Variants in KAZN observed in about 807,000 individuals in gnomAD.
The protein encoded by KAZN is kazrin, periplakin interacting protein.
KAZN carries 40 observed loss-of-function variants against 87.4 expected under a neutral mutation model. The observed-to-expected ratio is 0.46, with a 90% CI of 0.36 to 0.60. The LOEUF (loss-of-function observed/expected upper bound fraction) is 0.60. KAZN is among the 20% of genes least tolerant of loss of function. KAZN has a pLI of 0.00. For missense variants in KAZN, 898 were observed against 1,073.9 expected (o/e 0.84, Z 2.29); for synonymous variants, 466 against 458.3 (o/e 1.02, Z -0.22).
At chr1:14,163,943 A>G (rs1430075152) in intron 1 of KAZN, among the ~76,000 whole-genome samples, 1 of 152,200 alleles carries the variant, frequency 6.6e-6, no homozygotes, top group East Asian at 1.9e-4. Context: ...TGTGAGGACC[A>G]ACAGGATTCT....
At chr1:14,001,711 C>T (rs147268283) in intron 1 of KAZN, among the ~76,000 whole-genome samples, 17,398 of 152,180 alleles carry the variant, frequency 0.11, 1,169 homozygotes, top group South Asian at 0.24. Context: ...ACATCTACAA[C>T]CATCTGATCT....
intron 1 of KAZN, among the ~76,000 whole-genome samples, chr1:13,931,629 A>G (rs1640516759): frequency 6.6e-6 from 1 of 152,088 alleles, no homozygotes; most frequent in Admixed American, 6.6e-5. Context: ...GACTAATAAG[A>G]GAAGATAAAA....
chr1:14,323,072 C>T (rs5012557), intron 2 of KAZN, among the ~76,000 whole-genome samples: 37,022 of 152,040 alleles, frequency 0.24, 5,666 homozygotes, highest in African/African-American at 0.44. Flanking sequence ...GAACTTACTA[C>T]TACAAGAACA....
chr1:14,514,492 TA>T (rs1671159113), intron 2 of KAZN, among the ~76,000 whole-genome samples: 1 of 70,646 alleles, frequency 1.4e-5, no homozygotes, highest in East Asian at 5.3e-4. Flanking sequence ...TAAATATTTA[TA>T]TATGTAAAAT....
intron 1 of KAZN, among the ~76,000 whole-genome samples, chr1:14,007,784 C>T (rs1445952974): frequency 6.6e-6 from 1 of 152,150 alleles, no homozygotes; most frequent in East Asian, 1.9e-4. Context: ...GTTCTACTTG[C>T]TGTTACAAAT....
At chr1:14,259,262 T>G (rs1468232969) in intron 2 of KAZN, among the ~76,000 whole-genome samples, 1 of 152,216 alleles carries the variant, frequency 6.6e-6, no homozygotes, top group Non-Finnish European at 1.5e-5. Context: ...TTGTTCCAGA[T>G]GTGCACAGCT....
At position 14,205,995 on chromosome 1, in the gene KAZN, C is replaced by T. The variant is rs182440523; in HGVS notation, c.249+25403C>T. Among the ~76,000 whole-genome samples the T allele has an allele frequency of 1.5e-3, 218 of 149,142 alleles. 3 individuals are homozygous for T. Among genetic ancestry groups the T allele is most frequent in the Non-Finnish European group, 1.2e-3 (79 of 67,686 alleles). Reference sequence around the variant, plus strand: ...ATGTAAGAAGCCTGCATGTTGTGCACATGTACCCTAAAACTTAAAGTATAA... The same window carrying T: ...ATGTAAGAAGCCTGCATGTTGTGCATATGTACCCTAAAACTTAAAGTATAA... On this transcript the variant is annotated intron_variant, in intron 2 of 16. Coordinates refer to the KAZN transcript ENST00000636203.
chr1:14,596,393 C>T (rs565601316), upstream of KAZN, among the ~76,000 whole-genome samples: 8 of 152,316 alleles, frequency 5.3e-5, 2 homozygotes, highest in Admixed American at 1.3e-4. Flanking sequence ...AGTTCCAAAA[C>T]ATTCCCATCC....
intron 1 of KAZN, among the ~76,000 whole-genome samples, chr1:14,008,292 C>T (rs1193044754): frequency 2.0e-5 from 3 of 152,184 alleles, no homozygotes; most frequent in African/African-American, 2.4e-5. Flanking sequence ...CATGACTTCT[C>T]GCCACCGTCC....
chr1:15,098,879 A>G (rs1449930797), intron 10 of KAZN, among the ~76,000 whole-genome samples: 1 of 152,234 alleles, frequency 6.6e-6, no homozygotes, highest in African/African-American at 2.4e-5. Flanking sequence ...CAGAGCCTGA[A>G]GGGGCCCTGG....
chr1:14,557,575 A>T (rs1038465672), intron 2 of KAZN, among the ~76,000 whole-genome samples: 3 of 151,176 alleles, frequency 2.0e-5, no homozygotes, highest in African/African-American at 7.3e-5. Flanking sequence ...TTCCTGAAGA[A>T]ATTTGGCCTG....
chr1:14,797,524 G>C (rs1287473944), intron 1 of KAZN, among the ~76,000 whole-genome samples: 2 of 152,200 alleles, frequency 1.3e-5, no homozygotes, highest in Admixed American at 1.3e-4. Context: ...AAAAGGCCAA[G>C]TGAAGAGTTA....
At chr1:14,891,360 C>T (rs1027195951) in intron 1 of KAZN, among the ~76,000 whole-genome samples, 1 of 152,132 alleles carries the variant, frequency 6.6e-6, no homozygotes, top group Non-Finnish European at 1.5e-5. Context: ...ATTCTTATGC[C>T]TTTGCGTCCT....
At chr1:14,084,693 A>T (rs1643798535) in intron 1 of KAZN, among the ~76,000 whole-genome samples, 1 of 139,578 alleles carries the variant, frequency 7.2e-6, no homozygotes, top group Non-Finnish European at 1.5e-5. Flanking sequence ...TACAATAGTC[A>T]TTAAAAATGT....
chr1:14,495,866 G>T (rs928829446), intron 2 of KAZN, among the ~76,000 whole-genome samples: 1 of 152,122 alleles, frequency 6.6e-6, no homozygotes, highest in African/African-American at 2.4e-5. Flanking sequence ...AGGAAAGGGG[G>T]CTTTCCTTTC....
At chr1:14,941,106 TGG>T (rs1164579936) in intron 1 of KAZN, among the ~76,000 whole-genome samples, 1 of 151,836 alleles carries the variant, frequency 6.6e-6, no homozygotes, top group Non-Finnish European at 1.5e-5. Context: ...TTAGTGGAGA[TGG>T]GGTTTCACTA....
chr1:13,901,648 T>C (rs1246902840), intron 1 of KAZN, among the ~76,000 whole-genome samples: 1 of 152,258 alleles, frequency 6.6e-6, no homozygotes, highest in Non-Finnish European at 1.5e-5. Flanking sequence ...AAGCTCTGGC[T>C]TAAGCGTTCA....
chr1:15,103,381 G>A lies in KAZN; in HGVS notation c.1802G>A (p.Arg601His), dbSNP rs1047832369. The change falls in exon 12 of 15, where the codon CGC becomes CAC. Residue 601 changes from arginine (R) to histidine (H), a missense_variant. By Grantham distance (29) the Arg-to-His change is conservative. Transcript: ENST00000376030. The stretch of plus-strand genomic sequence containing the variant: ...AAGGCCCTCCAGGAGCGCCGGGCCC[G>A]CTGCGAGACGCAGAACATTGACCCC... ...SREALQERRA[R>H]CETQNIDPVV... 9.7e-6 allele frequency: 15 copies of A among 1,551,694 alleles called. No individual in the cohort carries two copies. The highest frequency in any genetic ancestry group is 1.7e-4 in the Middle Eastern group (1 of 5,894).
intron 2 of KAZN, among the ~76,000 whole-genome samples, chr1:14,342,051 T>A (rs1657767514): frequency 6.6e-6 from 1 of 152,216 alleles, no homozygotes; most frequent in African/African-American, 2.4e-5. Context: ...TCTCATCATT[T>A]AGCTCCCACT....
Sources: gnomAD v4.1 joint callset for allele counts (sites outside exome capture counted in the v4.1 genomes callset) on GRCh38, gnomAD v4.1.1 for gene constraint, MANE v1.5 for transcripts, NCBI Gene and HGNC (gene_info 2026-07-23, HGNC 2026-07-21) for gene names.